The following HADHB variants were observed in gnomAD, a reference collection of about 807,000 sequenced individuals.
The protein encoded by HADHB is trifunctional enzyme subunit beta, mitochondrial.
In HADHB, 50 loss-of-function variants were observed where a neutral mutation model predicts 61.9. The observed-to-expected ratio is 0.81, with a 90% CI of 0.64 to 1.02. HADHB has a LOEUF of 1.02. HADHB is among the 50% of genes least tolerant of loss of function. HADHB has a pLI of 0.00. For missense variants in HADHB, 504 were observed against 586.5 expected (o/e 0.86, Z 1.45); for synonymous variants, 191 against 201.6 (o/e 0.95, Z 0.45).
At position 26,280,003 on chromosome 2, in the gene HADHB, C is replaced by G; in HGVS notation, c.821C>G (p.Thr274Arg). Residue 274 changes from threonine to arginine, a missense_variant, in exon 10 of 16, where the codon ACA (threonine) becomes AGA (arginine). Physicochemically the swap from Thr to Arg is moderately conservative, Grantham distance 71 (BLOSUM62 -1). Coordinates refer to ENST00000317799, the MANE Select transcript of HADHB (RefSeq NM_000183.3). The part of the protein sequence containing the change: ...VVPFKVPGKD[T>R]VTKDNGIRPS... ...TTCATTTTTTTAATAGGAAAAGATA[C>G]AGTTACCAAAGATAATGGCATCCGT... 1 of 1,607,838 alleles carries G rather than the reference C, an allele frequency of 6.2e-7. No individual in the cohort carries two copies. Among genetic ancestry groups the G allele is most frequent in the South Asian group, 1.1e-5 (1 of 90,874 alleles).
intron 3 of HADHB, among the ~76,000 whole-genome samples, chr2:26,263,174 C>G (rs1198227612): frequency 6.6e-6 from 1 of 151,858 alleles, no homozygotes; most frequent in Non-Finnish European, 1.5e-5. Flanking sequence ...TGGCAGGTGC[C>G]TGTAATCCCA....
chr2:26,272,009 C>G (rs1397023873), intron 5 of HADHB, among the ~76,000 whole-genome samples: 2 of 152,164 alleles, frequency 1.3e-5, no homozygotes, highest in East Asian at 3.8e-4. Context: ...AACCTCGAAG[C>G]CTCCCAGGTA....
intron 1 of HADHB, 40 bp from the exon 2 acceptor site, chr2:26,254,207 T>C (rs1424939155): frequency 3.3e-6 from 3 of 911,552 alleles, no homozygotes; most frequent in Admixed American, 1.7e-5. Flanking sequence ...TACAAATTGT[T>C]CAGCTAATCC....
chr2:26,277,004 T>A lies in HADHB; in HGVS notation c.355-69T>A, dbSNP rs563574046. 7.4e-6 allele frequency: 6 copies of A among 810,370 alleles called. No homozygotes were observed. In the Admixed American group the frequency reaches 1.0e-4, roughly 14 times the overall value. The allele number at this position is 810,370 out of a possible 1,614,324, so 50.2% of individuals were successfully genotyped here. On this transcript the variant is annotated intron_variant, in intron 6 of 15. Coordinates refer to ENST00000317799, the MANE Select transcript of HADHB (RefSeq NM_000183.3). ...GTTTCCAGATGACTATGAAGATTAG[T>A]GCTCAAAGCATCATTTACATGATGC...
chr2:26,262,360 A>G (rs1228955386), intron 3 of HADHB, among the ~76,000 whole-genome samples: 1 of 152,218 alleles, frequency 6.6e-6, no homozygotes, highest in African/African-American at 2.4e-5. Context: ...AAGCCAATAA[A>G]ATATACATAA....
chr2:26,289,771 A>G (rs373273864), intron 15 of HADHB, 147 bp from the exon 16 acceptor site: 20 of 746,924 alleles, frequency 2.7e-5, no homozygotes, highest in East Asian at 1.8e-4. Flanking sequence ...TAGACTGACT[A>G]CAAACTTTCC....
intron 3 of HADHB, chr2:26,261,211 T>G: frequency 1.3e-5 from 4 of 300,466 alleles, no homozygotes; most frequent in Non-Finnish European, 1.8e-5. Flanking sequence ...ACACAACAAA[T>G]ACCCCCCCCC....
chr2:26,255,407 C>T (rs964975346), intron 3 of HADHB, among the ~76,000 whole-genome samples: 4 of 150,694 alleles, frequency 2.7e-5, no homozygotes, highest in South Asian at 2.1e-4. Flanking sequence ...GGCTGAGACA[C>T]GAGAATCTTT....
chr2:26,259,889 A>G (rs765416976), intron 3 of HADHB, among the ~76,000 whole-genome samples: 49 of 152,162 alleles, frequency 3.2e-4, no homozygotes, highest in Non-Finnish European at 6.3e-4. Flanking sequence ...TGGGAGGTCC[A>G]TAAGTAAAGG....
chr2:26,252,260 G>A (rs1231282332), intron 1 of HADHB, among the ~76,000 whole-genome samples: 1 of 152,214 alleles, frequency 6.6e-6, no homozygotes, highest in Non-Finnish European at 1.5e-5. Flanking sequence ...GATATGGAGA[G>A]GGAGGCAGCT....
At chr2:26,283,222 T>TA (rs991904515) in intron 12 of HADHB, among the ~76,000 whole-genome samples, 171 bp downstream of exon 12, 3 of 151,980 alleles carry the variant, frequency 2.0e-5, no homozygotes, top group African/African-American at 7.3e-5. Context: ...GTGGTTTTTT[T>TA]AAAAAAAATA....
chr2:26,289,556 T>C (rs1311516848), intron 15 of HADHB, among the ~76,000 whole-genome samples: 1 of 152,212 alleles, frequency 6.6e-6, no homozygotes, highest in African/African-American at 2.4e-5. Context: ...ACAGCATCCA[T>C]TTGTAGAGCA....
intron 7 of HADHB, 73 bp downstream of exon 7, chr2:26,277,233 C>CTTTT (rs34696184): frequency 7.5e-5 from 33 of 438,842 alleles, no homozygotes; most frequent in Non-Finnish European, 8.9e-5. Context: ...TAAAAATGTA[C>CTTTT]TTTTTTTTTT....
intron 10 of HADHB, among the ~76,000 whole-genome samples, chr2:26,281,481 T>C (rs1056417511): frequency 3.3e-5 from 5 of 152,156 alleles, no homozygotes; most frequent in African/African-American, 1.2e-4. Context: ...GCTGGTTAGG[T>C]TGGTCATTTG....
In HADHB at chr2:26,278,730, A is replaced by C. The variant is rs778077779; in HGVS notation, c.559A>C (p.Asn187His). 1.2e-6 allele frequency: 2 copies of C among 1,614,024 alleles called. No individual in the cohort carries two copies. The highest frequency in any genetic ancestry group is 4.5e-5 in the East Asian group (2 of 44,898). ...AATGAGAAAACTGATGCTTGATCTC[A>C]ATAAGGCCAAATCTATGGGCCAGCG... ...RKMRKLMLDL[N>H]KAKSMGQRLS... Residue 187 changes from asparagine to histidine, a missense_variant, in exon 8 of 16, where the codon AAT becomes CAT. Coordinates refer to ENST00000317799, the MANE Select transcript of HADHB (RefSeq NM_000183.3).
intron 15 of HADHB, 24 bp downstream of exon 15, chr2:26,285,595 A>C (rs1672992571): frequency 1.3e-6 from 2 of 1,592,176 alleles, no homozygotes; most frequent in East Asian, 2.2e-5. Flanking sequence ...GTGTCATAGG[A>C]CCCTCCAGAG....
chr2:26,253,083 T>C lies in HADHB; in HGVS notation c.-8-1164T>C, dbSNP rs1350573602. Among the ~76,000 whole-genome samples the C allele has an allele frequency of 2.6e-5, 4 of 152,238 alleles. No individual in the cohort carries two copies. In the East Asian group the frequency reaches 7.7e-4, roughly 29 times the overall value. The stretch of plus-strand genomic sequence containing the variant: ...CATCTTTTCATATACTTAAGAACCA[T>C]TTGTATTTCCTTTTCTGTGGTCTGT... On this transcript the variant is annotated intron_variant, in intron 1 of 15. Transcript: ENST00000317799.
At chr2:26,281,534 C>A (rs1672788644) in intron 10 of HADHB, among the ~76,000 whole-genome samples, 1 of 152,178 alleles carries the variant, frequency 6.6e-6, no homozygotes, top group Admixed American at 6.5e-5. Context: ...ATGGACTACA[C>A]TTGCCAGATC....
intron 4 of HADHB, 43 bp downstream of exon 4, chr2:26,263,522 A>G (rs756164705): frequency 1.6e-6 from 2 of 1,216,826 alleles, no homozygotes; most frequent in Non-Finnish European, 2.4e-6. Context: ...TTCTTTTAAG[A>G]CACTTTCAAA....
Sources: allele counts gnomAD v4.1 joint callset (sites outside exome capture counted in the v4.1 genomes callset), GRCh38; gene constraint gnomAD v4.1.1; transcripts MANE v1.5; gene names NCBI Gene and HGNC (gene_info 2026-07-23, HGNC 2026-07-21).